The following DHCR7 variants were observed in gnomAD, a reference collection of about 807,000 sequenced individuals.
DHCR7 encodes the protein 7-dehydrocholesterol reductase, also known as 7-DHC reductase.
Under a neutral mutation model 43.3 loss-of-function variants are expected in DHCR7, and 40 were observed. The observed-to-expected ratio is 0.92, with a 90% CI of 0.72 to 1.20. The LOEUF (loss-of-function observed/expected upper bound fraction) is 1.20, where lower values mean the gene tolerates loss of function less well. Ranked by LOEUF, DHCR7 falls within the 50% of genes most tolerant of loss-of-function variation. DHCR7 has a pLI of 0.00. For missense variants in DHCR7, 608 were observed against 644.6 expected (o/e 0.94, Z 0.62); for synonymous variants, 298 against 271.4 (o/e 1.10, Z -0.96).
Position 71,435,379 on chromosome 11 carries a change from A to C in DHCR7, c.1424T>G (p.Phe475Cys). The C allele has an allele frequency of 6.2e-7, 1 of 1,612,098 alleles. No homozygotes were observed. Among genetic ancestry groups the C allele is most frequent in the Non-Finnish European group, 8.5e-7 (1 of 1,179,986 alleles). Reference protein sequence around the residue: ...AVPYRLLPGIF With the variant: ...AVPYRLLPGIC The stretch of plus-strand genomic sequence containing the variant: ...GCTTCTCCCTAGGGCGTGCCCTTAG[A>C]AGATTCCAGGCAGCAGGCGGTAAGG... The change falls in exon 9 of 9, where the codon TTC (phenylalanine) becomes TGC (cysteine). Residue 475 changes from phenylalanine to cysteine, a missense_variant. Physicochemically the swap from Phe to Cys is radical, Grantham distance 205. Transcript: ENST00000355527.
At chr11:71,445,237 A>T (rs1012310821) in intron 2 of DHCR7, among the ~76,000 whole-genome samples, 2 of 152,150 alleles carry the variant, frequency 1.3e-5, no homozygotes, top group African/African-American at 4.8e-5. Flanking sequence ...CCCCTCTTAC[A>T]GCACAAGCTG....
At chr11:71,437,008 C>G (rs899426838) in intron 8 of DHCR7, among the ~76,000 whole-genome samples, 2 of 152,152 alleles carry the variant, frequency 1.3e-5, no homozygotes, top group African/African-American at 4.8e-5. Flanking sequence ...GAAATGGGGC[C>G]GGGTGGGCCA....
chr11:71,435,422 G>A lies in DHCR7; in HGVS notation c.1381C>T (p.Arg461Cys), dbSNP rs199506852. ...CGGTAAGGCACTGCGGCGGTGTAGCGCTCCCAGTCCCGGCCGTACTTGCTG... is the reference window on the plus strand; with the variant it reads ...CGGTAAGGCACTGCGGCGGTGTAGCACTCCCAGTCCCGGCCGTACTTGCTG... ...CASKYGRDWE[R>C]YTAAVPYRLL... The change falls in exon 9 of 9, where the codon CGC becomes TGC. Residue 461 changes from arginine to cysteine, a missense_variant. By Grantham distance (180) the Arg-to-Cys change is radical. Coordinates refer to ENST00000355527, the MANE Select transcript of DHCR7 (RefSeq NM_001360.3). 6.4e-5 allele frequency: 104 copies of A among 1,612,604 alleles called. 1 individual carries two copies. The East Asian group carries it at 1.1e-3, about 17-fold the overall frequency.
At chr11:71,433,726 T>C (rs1949242628), downstream of DHCR7, among the ~76,000 whole-genome samples, 1 of 152,186 alleles carries the variant, frequency 6.6e-6, no homozygotes, top group Non-Finnish European at 1.5e-5. Flanking sequence ...CTCTGTGAAC[T>C]GAATTTACGC....
At chr11:71,431,539 C>T (rs1287290802), downstream of DHCR7, among the ~76,000 whole-genome samples, 3 of 152,184 alleles carry the variant, frequency 2.0e-5, no homozygotes, top group Non-Finnish European at 4.4e-5. Flanking sequence ...CTCGGTGGCA[C>T]CAGTGCCTGC....
rs1298906412 is a variant in DHCR7, at chr11:71,435,233, A to G, written c.*142T>C. 2.3e-6 allele frequency: 2 copies of G among 865,620 alleles called. No homozygotes were observed. Among genetic ancestry groups the G allele is most frequent in the African/African-American group, 3.3e-5 (2 of 60,720 alleles). 53.6% of individuals were successfully genotyped at this position (865,620 alleles called of 1,614,324 possible). The stretch of plus-strand genomic sequence containing the variant: ...GGAACAGAGCGTGATTAGGTACTGG[A>G]CACCTGCCAAGTGCTGGGCTCTCTC... On this transcript the variant is annotated 3_prime_UTR_variant, in exon 9 of 9. Transcript: ENST00000355527.
chr11:71,433,521 C>T (rs562920629), downstream of DHCR7, among the ~76,000 whole-genome samples: 24 of 152,358 alleles, frequency 1.6e-4, no homozygotes, highest in South Asian at 2.9e-3. Context: ...CAAGAGCTCT[C>T]CCAGCAAATT....
downstream of DHCR7, among the ~76,000 whole-genome samples, chr11:71,429,990 C>T (rs1048288753): frequency 3.9e-5 from 6 of 152,174 alleles, no homozygotes; most frequent in African/African-American, 1.4e-4. Context: ...CCAGTCACTG[C>T]GGTCTTGGTC....
At position 71,442,426 on chromosome 11, in the gene DHCR7, T is replaced by C. The variant is rs531190497; in HGVS notation, c.322-73A>G. ...CAAAGGGGGACGCATAGCAGGAACA[T>C]GAGAATCACAATCATAGTCTTTTTC... On this transcript the variant is annotated intron_variant, in intron 4 of 8. Transcript: ENST00000355527. 19 of 1,028,896 alleles carry C rather than the reference T, an allele frequency of 1.8e-5. No homozygotes were observed. The Admixed American group carries it at 3.0e-4, about 16-fold the overall frequency. 63.7% of individuals were successfully genotyped at this position (1,028,896 alleles called of 1,614,324 possible).
At chr11:71,443,934 C>T (rs1337339181) in intron 4 of DHCR7, 59 bp downstream of exon 4, 1 of 1,398,468 alleles carries the variant, frequency 7.2e-7, no homozygotes, top group East Asian at 2.3e-5. Context: ...AGGACTACCC[C>T]AGCAGGAGGG....
At chr11:71,448,557 G>C (rs965091697), upstream of DHCR7, 1 of 152,236 alleles carries the variant, frequency 6.6e-6, no homozygotes, top group Non-Finnish European at 1.5e-5. Context: ...CGAGATTGAC[G>C]GCCCAGGCCC....
At chr11:71,443,825 A>G in intron 4 of DHCR7, 168 bp downstream of exon 4, 2 of 603,654 alleles carry the variant, frequency 3.3e-6, no homozygotes, top group Non-Finnish European at 5.9e-6. Context: ...CTTACAGCTG[A>G]GGATGAATCT....
rs562860286 is a variant in DHCR7, at chr11:71,436,759, A to G, written c.964-920T>C. ...AAGATCTTGGACTTGTCACTCTTCA[A>G]TCACATGAGTTGAAAAATACATCTC... On this transcript the variant is annotated intron_variant, in intron 8 of 8. Coordinates refer to ENST00000355527, the MANE Select transcript of DHCR7 (RefSeq NM_001360.3). 3.3e-5 allele frequency among the ~76,000 whole-genome samples: 5 copies of G among 152,286 alleles called. No individual in the cohort carries two copies. The East Asian group carries it at 9.6e-4, about 29-fold the overall frequency.
At chr11:71,439,173 C>T in intron 6 of DHCR7, 90 bp from the exon 7 acceptor site, 1 of 1,247,838 alleles carries the variant, frequency 8.0e-7, no homozygotes, top group Non-Finnish European at 1.1e-6. Flanking sequence ...AGCACTGGCC[C>T]AGGGTCCTAA....
rs1274611566 is a variant in DHCR7 at position 71,434,845 on chromosome 11, T to A, written c.*530A>T. The A allele has an allele frequency of 1.2e-5, 4 of 343,512 alleles. No individual in the cohort carries two copies. The highest frequency in any genetic ancestry group is 1.7e-5 in the Non-Finnish European group (3 of 174,274). The allele number at this position is 343,512 out of a possible 1,614,324, so 21.3% of individuals were successfully genotyped here. On this transcript the variant is annotated 3_prime_UTR_variant, in exon 9 of 9. Transcript: ENST00000355527. ...GCCCCTTTCTCCCCAGTGTCCCAGTTCAACACCGTGCACGCTACCAAGGAG... is the reference window on the plus strand; with the variant it reads ...GCCCCTTTCTCCCCAGTGTCCCAGTACAACACCGTGCACGCTACCAAGGAG...
rs374640274 is a variant in DHCR7, at chr11:71,441,229, G to A, written c.624C>T (p.Asp208=). The A allele has an allele frequency of 5.0e-6, 8 of 1,614,176 alleles. No homozygotes were observed. The highest frequency in any genetic ancestry group is 1.7e-5 in the Admixed American group (1 of 60,034). Residue 208 remains aspartate, a splice_region_variant and synonymous_variant, in exon 6 of 9, where the codon GAC becomes GAT. Coordinates refer to ENST00000355527, the MANE Select transcript of DHCR7 (RefSeq NM_001360.3). ...TGGACCCGCTGCTAAGAACATACCA[G>A]TCTCTGGCGCTGGTGGGGAAGAAGT... ...KGYFFPTSAR[D]CKFTGNFFYN... is the part of the protein sequence containing the mutation.
chr11:71,429,057 TAA>T (rs1281200146), intron 2 of DHCR7, among the ~76,000 whole-genome samples: 1 of 152,218 alleles, frequency 6.6e-6, no homozygotes. Flanking sequence ...CCATTGCAGC[TAA>T]GTGTTGCAAA....
intron 6 of DHCR7, 139 bp from the exon 7 acceptor site, chr11:71,439,222 A>G: frequency 1.3e-6 from 1 of 794,974 alleles, no homozygotes; most frequent in East Asian, 2.7e-5. Flanking sequence ...GCTGGCCATG[A>G]GCCGCTGGGA....
chr11:71,443,422 C>A (rs1019900471), intron 4 of DHCR7, among the ~76,000 whole-genome samples: 1 of 152,164 alleles, frequency 6.6e-6, no homozygotes, highest in Non-Finnish European at 1.5e-5. Flanking sequence ...AAACCTTTTC[C>A]TGGGTTCAGG....
Sources: gnomAD v4.1 joint callset for allele counts (sites outside exome capture counted in the v4.1 genomes callset) on GRCh38, gnomAD v4.1.1 for gene constraint, MANE v1.5 for transcripts, NCBI Gene and HGNC (gene_info 2026-07-23, HGNC 2026-07-21) for gene names.